Variants in DNAH12 observed in about 807,000 individuals in gnomAD.
The protein encoded by DNAH12 is axonemal beta dynein heavy chain 12.
A neutral mutation model predicts 371.5 loss-of-function variants in DNAH12; 285 were observed. That is an observed-to-expected ratio of 0.77 (90% confidence interval 0.70 to 0.85). The LOEUF (loss-of-function observed/expected upper bound fraction) is 0.85. DNAH12 is among the 40% of genes least tolerant of loss of function. The pLI, the probability that DNAH12 is intolerant of heterozygous loss-of-function variation, is 0.00. For synonymous variants in DNAH12, 1,200 were observed against 1,213.0 expected, an observed-to-expected ratio of 0.99 and a Z score of 0.22; for missense variants, 3,611 against 3,689.4, an observed-to-expected ratio of 0.98 and a Z score of 0.55.
At chr3:57,334,223 T>C (rs963193013) in intron 62 of DNAH12, among the ~76,000 whole-genome samples, 9 of 152,164 alleles carry the variant, frequency 5.9e-5, no homozygotes, top group African/African-American at 1.9e-4. Flanking sequence ...CATTAGGCAA[T>C]CTAATATATG....
intron 62 of DNAH12, 72 bp downstream of exon 62, chr3:57,334,393 A>G: frequency 7.1e-7 from 1 of 1,408,598 alleles, no homozygotes; most frequent in Non-Finnish European, 9.3e-7. Flanking sequence ...ATCAAATAAC[A>G]AGAACTTTAA....
intron 35 of DNAH12, among the ~76,000 whole-genome samples, chr3:57,422,656 C>G (rs1268254871): frequency 6.6e-6 from 1 of 151,782 alleles, no homozygotes; most frequent in African/African-American, 2.4e-5. Context: ...TTTTTTAAAA[C>G]AAAAATAAAT....
At chr3:57,383,908 G>C (rs1356456152) in intron 49 of DNAH12, among the ~76,000 whole-genome samples, 3 of 152,058 alleles carry the variant, frequency 2.0e-5, no homozygotes, top group Non-Finnish European at 4.4e-5. Flanking sequence ...ATAACTACAG[G>C]GCTGATGTTA....
At position 57,537,876 on chromosome 3, in the gene DNAH12, T is replaced by G. The variant is rs111674977; in HGVS notation, c.170+4825A>C. The stretch of plus-strand genomic sequence containing the variant: ...ATTTTTGTATTTTTAGCAGAGACGG[T>G]GTTTCACCATGTTGGCCAGGATGGT... On this transcript the variant is annotated intron_variant, in intron 2 of 73. Transcript: ENST00000495027. Among the ~76,000 whole-genome samples the G allele has an allele frequency of 4.1e-3, 626 of 152,032 alleles. 4 individuals carry two copies. The highest frequency in any genetic ancestry group is 5.2e-3 in the Non-Finnish European group (354 of 67,964).
chr3:57,446,310 A>G, intron 26 of DNAH12, 40 bp from the exon 27 acceptor site: 1 of 1,532,486 alleles, frequency 6.5e-7, no homozygotes, highest in South Asian at 1.2e-5. Context: ...TTTTCTCAGG[A>G]AAGGATATCA....
intron 60 of DNAH12, among the ~76,000 whole-genome samples, chr3:57,341,038 G>A (rs571274776): frequency 2.6e-5 from 4 of 152,172 alleles, no homozygotes; most frequent in East Asian, 1.9e-4. Context: ...AAAACAACAC[G>A]ATCATCTCAA....
chr3:57,551,324 T>A, the DNAH12 span, among the ~76,000 whole-genome samples: 602 of 151,994 alleles, frequency 4.0e-3, 1 homozygote, highest in Non-Finnish European at 6.3e-3. Context: ...CAGGTTGGAG[T>A]GCAGTGGCGC....
chr3:57,450,351 C>T (rs2065723276), intron 25 of DNAH12, among the ~76,000 whole-genome samples: 1 of 151,078 alleles, frequency 6.6e-6, no homozygotes, highest in Non-Finnish European at 1.5e-5. Context: ...GAGTTTGAGA[C>T]CAGCCTACAT....
intron 2 of DNAH12, among the ~76,000 whole-genome samples, chr3:57,533,049 G>A (rs748518609): frequency 6.6e-6 from 1 of 152,144 alleles, no homozygotes; most frequent in Non-Finnish European, 1.5e-5. Flanking sequence ...CGAACCATGA[G>A]ACTCAGTCCT....
intron 22 of DNAH12, among the ~76,000 whole-genome samples, chr3:57,457,366 G>A (rs962600791): frequency 3.4e-5 from 5 of 148,518 alleles, no homozygotes; most frequent in African/African-American, 1.3e-4. Context: ...GGGGCTTTAC[G>A]TAGGATACCT....
intron 55 of DNAH12, among the ~76,000 whole-genome samples, chr3:57,372,937 T>C (rs2063205627): frequency 6.6e-6 from 1 of 152,118 alleles, no homozygotes; most frequent in Admixed American, 6.5e-5. Context: ...AATTCACAAG[T>C]CCTCACTAAA....
chr3:57,361,471 T>TATATATATATATATA lies in DNAH12; in HGVS notation c.9360+2122_9360+2123insTATATATATATATAT, dbSNP rs2062934544. Among the ~76,000 whole-genome samples, 165 of 141,798 alleles carry TATATATATATATATA rather than the reference T, an allele frequency of 1.2e-3. 5 individuals are homozygous for TATATATATATATATA. The highest frequency in any genetic ancestry group is 7.4e-3 in the Middle Eastern group (2 of 270). 93.0% of individuals were successfully genotyped at this position (141,798 alleles called of 152,430 possible). ...ATATATATATATATATATATATATA[T>TATATATATATATATA]CTCATTCAGCTCTGTTAGGTGAATT... On this transcript the variant is annotated intron_variant, in intron 58 of 73. Coordinates refer to ENST00000495027, the MANE Select transcript of DNAH12 (RefSeq NM_001366028.2).
At chr3:57,319,216 T>C (rs2061751108) in intron 65 of DNAH12, among the ~76,000 whole-genome samples, 1 of 152,216 alleles carries the variant, frequency 6.6e-6, no homozygotes. Context: ...TATGTTGATT[T>C]TGTACCCTAA....
intron 14 of DNAH12, among the ~76,000 whole-genome samples, chr3:57,471,888 T>C (rs1404724773): frequency 6.6e-6 from 1 of 152,214 alleles, no homozygotes; most frequent in Non-Finnish European, 1.5e-5. Flanking sequence ...ATTGAGCATG[T>C]GCCATGTATC....
chr3:57,386,370 T>C (rs955450268), intron 47 of DNAH12, 71 bp downstream of exon 47: 6 of 148,316 alleles, frequency 4.0e-5, no homozygotes, highest in African/African-American at 1.6e-4. Flanking sequence ...TCTCAATAAA[T>C]TGTAGCTTGT....
intron 43 of DNAH12, among the ~76,000 whole-genome samples, chr3:57,396,454 G>A (rs1455636004): frequency 1.3e-5 from 2 of 151,590 alleles, no homozygotes; most frequent in Non-Finnish European, 2.9e-5. Flanking sequence ...CTGGAGTACA[G>A]TGGCATGATC....
intron 43 of DNAH12, among the ~76,000 whole-genome samples, chr3:57,402,904 A>T (rs782115643): frequency 6.6e-6 from 1 of 152,242 alleles, no homozygotes; most frequent in Non-Finnish European, 1.5e-5. Flanking sequence ...CATTTTATGC[A>T]TGTATCAAAA....
intron 49 of DNAH12, among the ~76,000 whole-genome samples, chr3:57,383,657 T>C (rs1245561401): frequency 2.4e-4 from 20 of 81,650 alleles, no homozygotes; most frequent in East Asian, 4.4e-4. Flanking sequence ...TGAGTTGGGG[T>C]GGGGGGCGGG....
chr3:57,552,586 C>G, the DNAH12 span, among the ~76,000 whole-genome samples: 10 of 152,238 alleles, frequency 6.6e-5, no homozygotes, highest in Admixed American at 4.6e-4. Context: ...TAAGCCCCTT[C>G]CATTCTAGAA....
Sources: gnomAD v4.1 joint callset for allele counts (sites outside exome capture counted in the v4.1 genomes callset) on GRCh38, gnomAD v4.1.1 for gene constraint, MANE v1.5 for transcripts, NCBI Gene and HGNC (gene_info 2026-07-23, HGNC 2026-07-21) for gene names.